Variants in ARHGAP10 observed in about 807,000 individuals in gnomAD.
ARHGAP10 encodes rho GTPase-activating protein 10.
In ARHGAP10, 87 loss-of-function variants were observed where a neutral mutation model predicts 108.6. The ratio of observed to expected loss-of-function variants is 0.80; its 90% CI spans 0.67 to 0.96. The LOEUF (loss-of-function observed/expected upper bound fraction) is 0.96. Ranked by LOEUF, ARHGAP10 falls within the 40% of genes least tolerant of loss-of-function variation. The pLI, the probability that ARHGAP10 is intolerant of heterozygous loss-of-function variation, is 0.00. For missense variants in ARHGAP10, 939 were observed against 954.5 expected (o/e 0.98, Z 0.21); for synonymous variants, 347 against 341.1 (o/e 1.02, Z -0.19).
chr4:148,066,886 C>T (rs1424927426), intron 22 of ARHGAP10, among the ~76,000 whole-genome samples: 1 of 152,184 alleles, frequency 6.6e-6, no homozygotes, highest in Non-Finnish European at 1.5e-5. Context: ...CTGCTGACCA[C>T]GATGCCACAC....
At chr4:147,985,942 A>G (rs1740028593) in intron 18 of ARHGAP10, among the ~76,000 whole-genome samples, 2 of 151,456 alleles carry the variant, frequency 1.3e-5, no homozygotes, top group Non-Finnish European at 2.9e-5. Context: ...AGATGCCATC[A>G]TGGAGGCTGT....
chr4:147,888,995 G>A (rs1735683436), intron 10 of ARHGAP10, among the ~76,000 whole-genome samples: 2 of 152,194 alleles, frequency 1.3e-5, no homozygotes, highest in Admixed American at 6.5e-5. Flanking sequence ...CATGAGGGTA[G>A]GAACACTGTC....
rs760910912 is a variant in ARHGAP10, at chr4:147,966,809, T to C, written c.1686T>C (p.Val562=). 4 of 1,580,716 alleles carry C rather than the reference T, an allele frequency of 2.5e-6. No homozygotes were observed. Among genetic ancestry groups the C allele is most frequent in the Non-Finnish European group, 3.4e-6 (4 of 1,160,368 alleles). ...ALMDLKFQNI[V]VEILIENHEK... ...TGGACTTGAAGTTTCAGAATATTGT[T>C]GTGGAAATCTTAATTGAAAACCATG... is the stretch of plus-strand genomic sequence containing the variant. The change falls in exon 18 of 23, where the codon GTT becomes GTC. Residue 562 remains valine, a synonymous_variant. Coordinates refer to ENST00000336498, the MANE Select transcript of ARHGAP10 (RefSeq NM_024605.4).
At chr4:147,802,027 C>T (rs1477716265) in intron 1 of ARHGAP10, among the ~76,000 whole-genome samples, 2 of 152,222 alleles carry the variant, frequency 1.3e-5, no homozygotes, top group Admixed American at 1.3e-4. Flanking sequence ...GGACTAAACA[C>T]TGGCCCTGTT....
At chr4:148,022,534 G>A (rs889614821) in intron 18 of ARHGAP10, among the ~76,000 whole-genome samples, 5 of 152,204 alleles carry the variant, frequency 3.3e-5, no homozygotes, top group African/African-American at 1.2e-4. Context: ...TCACCTCTGT[G>A]TGATATGCTT....
intron 20 of ARHGAP10, among the ~76,000 whole-genome samples, chr4:148,061,616 T>G (rs1048658560): frequency 2.6e-5 from 4 of 151,304 alleles, no homozygotes; most frequent in African/African-American, 9.7e-5. Flanking sequence ...GAATAATGTT[T>G]TTTTTTTTTA....
chr4:147,930,211 G>A (rs982698485), intron 13 of ARHGAP10, among the ~76,000 whole-genome samples: 1 of 152,002 alleles, frequency 6.6e-6, no homozygotes, highest in Non-Finnish European at 1.5e-5. Context: ...AGAATCATAC[G>A]GCTGCAAAAT....
intron 1 of ARHGAP10, among the ~76,000 whole-genome samples, chr4:147,760,589 T>C (rs752097474): frequency 6.6e-6 from 1 of 152,222 alleles, no homozygotes; most frequent in Non-Finnish European, 1.5e-5. Context: ...CCATACCTGG[T>C]GTTCTGATGG....
intron 10 of ARHGAP10, among the ~76,000 whole-genome samples, chr4:147,894,382 C>A (rs1193253992): frequency 3.3e-5 from 5 of 152,254 alleles, no homozygotes; most frequent in African/African-American, 1.2e-4. Flanking sequence ...CTATTAAAAT[C>A]TCCTGCCCAT....
At chr4:147,960,488 G>A (rs1346584396) in intron 16 of ARHGAP10, among the ~76,000 whole-genome samples, 1 of 152,104 alleles carries the variant, frequency 6.6e-6, no homozygotes, top group Non-Finnish European at 1.5e-5. Flanking sequence ...AAAAATATCT[G>A]TGATACATTA....
At chr4:148,046,513 G>A (rs1308567740) in intron 19 of ARHGAP10, among the ~76,000 whole-genome samples, 1 of 152,202 alleles carries the variant, frequency 6.6e-6, no homozygotes, top group African/African-American at 2.4e-5. Context: ...ACCAATAGGT[G>A]ACCAGAAAGG....
At chr4:147,814,005 CT>C (rs1560772574) in intron 1 of ARHGAP10, among the ~76,000 whole-genome samples, 1 of 151,976 alleles carries the variant, frequency 6.6e-6, no homozygotes, top group Non-Finnish European at 1.5e-5. Flanking sequence ...TTATTTTCTT[CT>C]TTTTTTTGGA....
intron 1 of ARHGAP10, among the ~76,000 whole-genome samples, chr4:147,814,141 T>G (rs917476399): frequency 6.6e-6 from 1 of 152,184 alleles, no homozygotes; most frequent in African/African-American, 2.4e-5. Flanking sequence ...CCTCACCCTC[T>G]TTGTATTCGT....
At chr4:148,051,478 T>G (rs918437559) in intron 20 of ARHGAP10, among the ~76,000 whole-genome samples, 1 of 152,244 alleles carries the variant, frequency 6.6e-6, no homozygotes, top group African/African-American at 2.4e-5. Context: ...TATCGGGCAT[T>G]GCTATCTGCT....
chr4:147,753,762 T>C (rs1170499851), intron 1 of ARHGAP10, among the ~76,000 whole-genome samples: 2 of 152,218 alleles, frequency 1.3e-5, no homozygotes, highest in Non-Finnish European at 2.9e-5. Flanking sequence ...CTTTCGAAAC[T>C]ATTTTCATGA....
chr4:148,021,142 C>T (rs745757673), intron 18 of ARHGAP10, among the ~76,000 whole-genome samples: 18 of 152,090 alleles, frequency 1.2e-4, no homozygotes, highest in Non-Finnish European at 2.4e-4. Context: ...GAGACCAACC[C>T]GGGTTGGACC....
Position 147,822,788 on chromosome 4 carries a change from C to G in ARHGAP10, c.216C>G (p.Ile72Met), listed in dbSNP as rs780717500. ...HSLRDFKFEF[I>M]GDAVTDDERC... is the part of the protein sequence containing the mutation. ...TCAGAGACTTTAAGTTTGAGTTTAT[C>G]GGTGATGCTGTGACAGATGATGAAC... Residue 72 changes from isoleucine to methionine, a missense_variant, in exon 2 of 23, where the codon ATC becomes ATG. Physicochemically the swap from Ile to Met is conservative, Grantham distance 10. Transcript: ENST00000336498. The G allele has an allele frequency of 6.2e-7, 1 of 1,614,176 alleles. No homozygotes were observed. The highest frequency in any genetic ancestry group is 8.5e-7 in the Non-Finnish European group (1 of 1,180,038).
In ARHGAP10 at chr4:147,747,083, A is replaced by G. The variant is rs377553185; in HGVS notation, c.154+14628A>G. On this transcript the variant is annotated intron_variant, in intron 1 of 22. Transcript: ENST00000336498. Reference sequence around the variant, plus strand: ...GGTAAACAACCCTCATGATACCCAGAAAGGCCGCTGTTTCAGGCTTTATTT... The same window carrying G: ...GGTAAACAACCCTCATGATACCCAGGAAGGCCGCTGTTTCAGGCTTTATTT... Among the ~76,000 whole-genome samples the G allele has an allele frequency of 2.6e-5, 4 of 152,290 alleles. No individual in the cohort carries two copies. In the South Asian group the frequency reaches 6.2e-4, roughly 24 times the overall value.
At chr4:148,046,829 T>C in intron 19 of ARHGAP10, 63 bp from the exon 20 acceptor site, 1 of 1,491,494 alleles carries the variant, frequency 6.7e-7, no homozygotes. Context: ...ACCATATAAT[T>C]ATTAGTGGAG....
Sources: allele counts gnomAD v4.1 joint callset (sites outside exome capture counted in the v4.1 genomes callset), GRCh38; gene constraint gnomAD v4.1.1; transcripts MANE v1.5; gene names NCBI Gene and HGNC (gene_info 2026-07-23, HGNC 2026-07-21).